TYMP: variants seen among roughly 807,000 people sequenced by gnomAD.
TYMP encodes gliostatin.
In TYMP, 46 loss-of-function variants were observed where a neutral mutation model predicts 42.3. The ratio of observed to expected loss-of-function variants is 1.09; its 90% confidence interval spans 0.86 to 1.39. TYMP has a LOEUF of 1.39. TYMP is among the 40% of genes most tolerant of loss of function. The probability of loss-of-function intolerance (pLI) is 0.00; values close to 1 mark genes in which losing one functional copy is unlikely to be tolerated. For missense variants in TYMP, 837 were observed against 677.6 expected, an observed-to-expected ratio of 1.24 and a Z score of -2.61; for synonymous variants, 363 against 308.0, an observed-to-expected ratio of 1.18 and a Z score of -1.87.
intron 4 of TYMP, chr22:50,527,938 CT>C (rs927161721): frequency 1.4e-3 from 718 of 531,030 alleles, no homozygotes; most frequent in Middle Eastern, 4.0e-3. Context: ...CCACACGCGG[CT>C]TTTTTTTTTC....
chr22:50,527,482 G>T (rs1462515937), intron 5 of TYMP, 106 bp downstream of exon 5: 3 of 1,561,758 alleles, frequency 1.9e-6, no homozygotes, highest in African/African-American at 2.7e-5. Flanking sequence ...GGGGGTAGGG[G>T]GGCACACGGT....
intron 5 of TYMP, 93 bp downstream of exon 5, chr22:50,527,495 G>T: frequency 6.3e-7 from 1 of 1,593,428 alleles, no homozygotes; most frequent in South Asian, 1.1e-5. Context: ...CACACGGTCA[G>T]GTGACGGGTA....
chr22:50,528,483 A>T lies in TYMP; in HGVS notation c.516+29T>A, dbSNP rs774814148. 2.5e-6 allele frequency: 4 copies of T among 1,588,210 alleles called. No homozygotes were observed. The African/African-American group carries it at 5.4e-5, about 21-fold the overall frequency. On this transcript the variant is annotated intron_variant, in intron 4 of 9. Transcript: ENST00000252029. ...GCCAGGGTCTCCATCATCAACCTGG[A>T]TTAATGACTGATCCGTGGCGCCCCG...
At position 50,528,858 on chromosome 22, in the gene TYMP, C is replaced by T. The variant is rs1161600282; in HGVS notation, c.418-248G>A. The T allele has an allele frequency of 6.5e-6, 4 of 612,240 alleles. No individual in the cohort carries two copies. The East Asian group carries it at 8.2e-5, about 13-fold the overall frequency. 37.9% of individuals were successfully genotyped at this position (612,240 alleles called of 1,614,324 possible). A position where few individuals can be genotyped will look rare whatever the true frequency, so the allele number is the denominator to read the frequency against. ...AGGGAGGAAAGTCCTCAGCTCCTCC[C>T]TTGGGGGAGCTGTCTGGGGACCCAA... On this transcript the variant is annotated intron_variant, in intron 3 of 9. Coordinates refer to ENST00000252029, the MANE Select transcript of TYMP (RefSeq NM_001953.5).
Position 50,528,503 on chromosome 22 carries a change from G to A in TYMP, c.516+9C>T, listed in dbSNP as rs201884709. Reference sequence around the variant, plus strand: ...CCTGGATTAATGACTGATCCGTGGCGCCCCGTACCTGCTCTGGGCTCTGGA... The same window carrying A: ...CCTGGATTAATGACTGATCCGTGGCACCCCGTACCTGCTCTGGGCTCTGGA... On this transcript the variant is annotated intron_variant, in intron 4 of 9. Coordinates refer to ENST00000252029, the MANE Select transcript of TYMP (RefSeq NM_001953.5). The A allele has an allele frequency of 6.8e-5, 109 of 1,612,162 alleles. No homozygotes were observed. The East Asian group carries it at 1.8e-3, about 27-fold the overall frequency.
At chr22:50,529,096 G>T in intron 3 of TYMP, 40 bp downstream of exon 3, 3 of 1,603,258 alleles carry the variant, frequency 1.9e-6, no homozygotes, top group Non-Finnish European at 2.6e-6. Flanking sequence ...TGCTGCATGT[G>T]CGGTATAGGC....
chr22:50,527,313 A>G (rs534435303), intron 5 of TYMP, 30 bp from the exon 6 acceptor site: 2 of 1,562,876 alleles, frequency 1.3e-6, no homozygotes, highest in African/African-American at 2.7e-5. Context: ...GGTTGGAGAC[A>G]ATGGAGAACC....
chr22:50,529,226 G>C lies in TYMP; in HGVS notation c.327C>G (p.Arg109=). Residue 109 remains arginine, a synonymous_variant, in exon 3 of 10, where the codon CGC becomes CGG. Coordinates refer to ENST00000252029, the MANE Select transcript of TYMP (RefSeq NM_001953.5). The stretch of plus-strand genomic sequence containing the variant: ...TGGAATGCTTGTCCACAAGCTGCTG[G>C]CGCCAGGCCTCTGGCCACTCCAGCT... ...GQQLEWPEAW[R]QQLVDKHSTG... 6.2e-7 allele frequency: 1 copy of C among 1,613,248 alleles called. No homozygotes were observed. The highest frequency in any genetic ancestry group is 1.1e-5 in the South Asian group (1 of 91,090).
In TYMP at chr22:50,526,486, G is replaced by A; in HGVS notation, c.929-10C>T. The A allele has an allele frequency of 6.7e-7, 1 of 1,493,180 alleles. No individual in the cohort carries two copies. Among genetic ancestry groups the A allele is most frequent in the South Asian group, 1.3e-5 (1 of 77,302 alleles). 92.5% of individuals were successfully genotyped at this position (1,493,180 alleles called of 1,614,324 possible). A position where few individuals can be genotyped will look rare whatever the true frequency, so the allele number is the denominator to read the frequency against. ...CAGAGCAGGGCGCCCCCTGCGGGCG[G>A]GGACGGGTCTTAGGCGCGGCCGGGT... On this transcript the variant is annotated splice_polypyrimidine_tract_variant and intron_variant, in intron 7 of 9. Transcript: ENST00000252029.
Position 50,527,515 on chromosome 22 carries a change from G to A in TYMP, c.646+73C>T, listed in dbSNP as rs775511112. On this transcript the variant is annotated intron_variant, in intron 5 of 9. Transcript: ENST00000252029. ...GGTCAGGTGACGGGTAACTCCTAAC[G>A]AGAGGCCCTTGACTTGAGTTTGGAG... is the stretch of plus-strand genomic sequence containing the variant. 40 of 1,609,284 alleles carry A rather than the reference G, an allele frequency of 2.5e-5. No homozygotes were observed. In the East Asian group the frequency reaches 6.0e-4, roughly 24 times the overall value.
At chr22:50,528,357 C>A in intron 4 of TYMP, 155 bp downstream of exon 4, 1 of 729,120 alleles carries the variant, frequency 1.4e-6, no homozygotes, top group Non-Finnish European at 2.4e-6. Flanking sequence ...ATCAAAGTTC[C>A]ACTGATGATT....
At position 50,526,262 on chromosome 22, in the gene TYMP, C is replaced by T; in HGVS notation, c.1143G>A (p.Leu381=). 6.5e-7 allele frequency: 1 copy of T among 1,537,420 alleles called. No individual in the cohort carries two copies. Among genetic ancestry groups the T allele is most frequent in the Admixed American group, 1.9e-5 (1 of 52,098 alleles). ...LLPRAREQEE[L]LAPADGTVEL... The stretch of plus-strand genomic sequence containing the variant: ...GACGCTCACCATCTGCGGGCGCCAG[C>T]AGCTCCTCCTGCTCCCGGGCGCGAG... The change falls in exon 8 of 10, where the codon CTG becomes CTA. Residue 381 remains leucine, a synonymous_variant. Coordinates refer to ENST00000252029, the MANE Select transcript of TYMP (RefSeq NM_001953.5).
chr22:50,527,331 T>G (rs910825312), intron 5 of TYMP, 48 bp from the exon 6 acceptor site: 1 of 1,518,138 alleles, frequency 6.6e-7, no homozygotes, highest in Non-Finnish European at 9.1e-7. Context: ...ACCTGGAGCT[T>G]CTTGGGAGAG....
intron 6 of TYMP, among the ~76,000 whole-genome samples, 161 bp downstream of exon 6, chr22:50,527,004 G>A (rs1378350155): frequency 6.6e-6 from 1 of 152,384 alleles, no homozygotes; most frequent in Middle Eastern, 3.4e-3. Flanking sequence ...AGTCACAGCA[G>A]GTTAGGAAGC....
In TYMP at chr22:50,526,208, G is replaced by A. The variant is rs575710924; in HGVS notation, c.1159+38C>T. The A allele has an allele frequency of 6.7e-6, 10 of 1,494,364 alleles. No individual in the cohort carries two copies. In the South Asian group the frequency reaches 7.5e-5, roughly 11 times the overall value. 92.6% of individuals were successfully genotyped at this position (1,494,364 alleles called of 1,614,324 possible). On this transcript the variant is annotated intron_variant, in intron 8 of 9. Transcript: ENST00000252029. ...CGGGGCCTCGGGAAGGGAAGGGGATGGCGGAGGCGGAAGGACGGGGACTCC... is the reference window on the plus strand; with the variant it reads ...CGGGGCCTCGGGAAGGGAAGGGGATAGCGGAGGCGGAAGGACGGGGACTCC...
upstream of TYMP, chr22:50,530,081 A>G (rs2148684203): frequency 3.0e-6 from 1 of 333,840 alleles, no homozygotes; most frequent in East Asian, 4.6e-5. Context: ...GGAGCTCGGC[A>G]GTCGCCGCCC....
chr22:50,529,636 C>T lies in TYMP; in HGVS notation c.74G>A (p.Gly25Glu). 1 of 1,612,546 alleles carries T rather than the reference C, an allele frequency of 6.2e-7. No individual in the cohort carries two copies. Among genetic ancestry groups the T allele is most frequent in the Non-Finnish European group, 8.5e-7 (1 of 1,179,748 alleles). ...PGDFSGEGSQ[G>E]LPDPSPEPKQ... is the part of the protein sequence containing the mutation. ...GGGCTCTGGCGAAGGGTCGGGAAGT[C>T]CCTGGCTCCCTTCCCCGGAGAAGTC... The change falls in exon 2 of 10, where the codon GGA (glycine) becomes GAA (glutamate). Residue 25 changes from glycine (G) to glutamate (E), a missense_variant. Coordinates refer to ENST00000252029, the MANE Select transcript of TYMP (RefSeq NM_001953.5).
At position 50,526,395 on chromosome 22, in the gene TYMP, CCGT is replaced by C; in HGVS notation, c.1007_1009del (p.Asp336del). On this transcript the variant is annotated inframe_deletion, in exon 8 of 10. Transcript: ENST00000252029. Reference sequence around the variant, plus strand: ...CCGCTCGAAGCGGCCAAGGGCCGAGCCGTCGTCCAGCGCCGCGGCCACCCGGGC... The same window carrying C: ...CCGCTCGAAGCGGCCAAGGGCCGAGCCGTCCAGCGCCGCGGCCACCCGGGC... The C allele has an allele frequency of 6.6e-7, 1 of 1,524,594 alleles. No individual in the cohort carries two copies. Among genetic ancestry groups the C allele is most frequent in the South Asian group, 1.2e-5 (1 of 82,752 alleles). The allele number at this position is 1,524,594 out of a possible 1,614,324, so 94.4% of individuals were successfully genotyped here.
intron 4 of TYMP, chr22:50,527,980 A>C (rs990927014): frequency 8.3e-6 from 4 of 481,352 alleles, no homozygotes; most frequent in Admixed American, 7.4e-5. Flanking sequence ...AAGTTTCACT[A>C]TATTACCCAG....
Sources: allele counts gnomAD v4.1 joint callset (sites outside exome capture counted in the v4.1 genomes callset), GRCh38; gene constraint gnomAD v4.1.1; transcripts MANE v1.5; gene names NCBI Gene and HGNC (gene_info 2026-07-23, HGNC 2026-07-21).